The following SLC2A9 variants were observed in gnomAD, a reference collection of about 807,000 sequenced individuals.
SLC2A9 encodes solute carrier family 2 member 9, also known as solute carrier family 2, facilitated glucose transporter member 9.
In SLC2A9, 39 loss-of-function variants were observed where a neutral mutation model predicts 50.6. That is an observed-to-expected ratio of 0.77 (90% CI 0.60 to 1.01). SLC2A9 has a LOEUF of 1.01. SLC2A9 is among the 50% of genes least tolerant of loss of function. The probability of loss-of-function intolerance (pLI) is 0.00; values close to 1 mark genes in which losing one functional copy is unlikely to be tolerated. For synonymous variants in SLC2A9, 324 were observed against 276.9 expected (o/e 1.17, Z -1.69); for missense variants, 686 against 677.6 (o/e 1.01, Z -0.14).
At chr4:10,021,634 A>G (rs937969141), upstream of SLC2A9, 1 of 278,610 alleles carries the variant, frequency 3.6e-6, no homozygotes, top group Non-Finnish European at 5.4e-6. Flanking sequence ...CAGTCCAAAA[A>G]GGGAAATCTG....
intron 3 of SLC2A9, among the ~76,000 whole-genome samples, chr4:9,787,463 CT>C (rs1719366297): frequency 6.6e-6 from 1 of 152,228 alleles, no homozygotes; most frequent in Admixed American, 6.5e-5. Context: ...CAATGTTTCA[CT>C]GTATCACTTA....
At chr4:9,979,859 T>C (rs544709917) in intron 5 of SLC2A9, among the ~76,000 whole-genome samples, 1 of 152,270 alleles carries the variant, frequency 6.6e-6, no homozygotes, top group Admixed American at 6.5e-5. Flanking sequence ...TTCCCAGGGC[T>C]GTGCCCCATC....
intron 6 of SLC2A9, among the ~76,000 whole-genome samples, chr4:9,923,568 G>T (rs915700504): frequency 6.6e-6 from 1 of 152,160 alleles, no homozygotes; most frequent in Non-Finnish European, 1.5e-5. Flanking sequence ...GCACAGCACG[G>T]CATGGCACGG....
At chr4:9,980,145 C>T (rs1049853953) in intron 5 of SLC2A9, among the ~76,000 whole-genome samples, 8 of 152,292 alleles carry the variant, frequency 5.3e-5, no homozygotes, top group Middle Eastern at 3.4e-3. Context: ...ACTCTACTTA[C>T]TTATCTATTC....
chr4:9,925,175 G>C (rs1389174998), intron 6 of SLC2A9, among the ~76,000 whole-genome samples: 1 of 152,204 alleles, frequency 6.6e-6, no homozygotes, highest in African/African-American at 2.4e-5. Flanking sequence ...TGCTCGTGCT[G>C]TTCCTTGTGT....
At chr4:9,905,374 A>G (rs1023089973) in intron 8 of SLC2A9, among the ~76,000 whole-genome samples, 5 of 152,252 alleles carry the variant, frequency 3.3e-5, no homozygotes, top group Non-Finnish European at 7.3e-5. Context: ...CAGGGCCAAC[A>G]GCCTGACCAT....
At chr4:9,938,385 C>T (rs1747502695) in intron 6 of SLC2A9, among the ~76,000 whole-genome samples, 2 of 150,944 alleles carry the variant, frequency 1.3e-5, no homozygotes, top group Admixed American at 1.3e-4. Context: ...CATTCTCTTG[C>T]CTCAGCCTCC....
chr4:9,953,215 AC>A (rs60841869), intron 5 of SLC2A9, among the ~76,000 whole-genome samples: 28,759 of 152,176 alleles, frequency 0.19, 2,911 homozygotes, highest in Non-Finnish European at 0.21. Flanking sequence ...TACCCACTGA[AC>A]CCGCTATGCC....
chr4:9,809,010 C>T (rs139646114), intron 3 of SLC2A9, among the ~76,000 whole-genome samples: 4 of 152,288 alleles, frequency 2.6e-5, no homozygotes, highest in Admixed American at 6.5e-5. Flanking sequence ...AGTCAATTGG[C>T]CTTTCTTGGA....
chr4:10,011,059 G>T (rs181286863), intron 2 of SLC2A9, among the ~76,000 whole-genome samples: 1 of 152,186 alleles, frequency 6.6e-6, no homozygotes, highest in Non-Finnish European at 1.5e-5. Flanking sequence ...TCATGGATCA[G>T]CTACTCTTGA....
At chr4:9,843,864 C>T (rs541293740) in intron 10 of SLC2A9, among the ~76,000 whole-genome samples, 1 of 152,280 alleles carries the variant, frequency 6.6e-6, no homozygotes, top group East Asian at 1.9e-4. Flanking sequence ...CTGAGCCACA[C>T]TTGTTGACTA....
chr4:9,959,857 A>G (rs1430810556), intron 5 of SLC2A9, among the ~76,000 whole-genome samples: 3 of 152,184 alleles, frequency 2.0e-5, no homozygotes, highest in African/African-American at 7.2e-5. Flanking sequence ...TCCTGGGCCT[A>G]AGAAACGTGG....
At chr4:9,791,712 A>G (rs953842039) in intron 3 of SLC2A9, among the ~76,000 whole-genome samples, 1 of 152,146 alleles carries the variant, frequency 6.6e-6, no homozygotes, top group Admixed American at 6.6e-5. Context: ...CCTGCTAATA[A>G]TCACATGAGG....
intron 10 of SLC2A9, among the ~76,000 whole-genome samples, chr4:9,842,605 C>A (rs1462863818): frequency 6.6e-6 from 1 of 152,096 alleles, no homozygotes; most frequent in African/African-American, 2.4e-5. Context: ...CTGACCATGT[C>A]CTTTTGATGG....
chr4:9,841,088 G>A (rs1054699109), intron 10 of SLC2A9, among the ~76,000 whole-genome samples: 1 of 152,196 alleles, frequency 6.6e-6, no homozygotes, highest in Non-Finnish European at 1.5e-5. Flanking sequence ...TTTGGGTAGG[G>A]ACACAGAACC....
chr4:10,008,259 A>C (rs1265655157), intron 2 of SLC2A9, among the ~76,000 whole-genome samples: 1 of 152,250 alleles, frequency 6.6e-6, no homozygotes, highest in Non-Finnish European at 1.5e-5. Flanking sequence ...CAGGCTGTCC[A>C]GCTCTAATCG....
rs544931362 is a variant in SLC2A9, at chr4:9,960,968, C to T, written c.682-18923G>A. The stretch of plus-strand genomic sequence containing the variant: ...ACTGGATGGCTCCCATTTGCAGAAA[C>T]GGTACAAAGTCCTTTACATATAGTG... On this transcript the variant is annotated intron_variant, in intron 5 of 11. Transcript: ENST00000264784. Among the ~76,000 whole-genome samples, 6 of 152,266 alleles carry T rather than the reference C, an allele frequency of 3.9e-5. No homozygotes were observed. In the East Asian group the frequency reaches 9.7e-4, roughly 25 times the overall value.
intron 6 of SLC2A9, among the ~76,000 whole-genome samples, chr4:9,939,597 T>A (rs1444176190): frequency 1.3e-5 from 2 of 152,186 alleles, no homozygotes. Flanking sequence ...ATCCTTGGTT[T>A]TTTTTTTTAG....
chr4:9,826,476 G>C lies in SLC2A9; in HGVS notation c.1544C>G (p.Ser515Cys). The C allele has an allele frequency of 6.2e-7, 1 of 1,614,034 alleles. No homozygotes were observed. The highest frequency in any genetic ancestry group is 8.5e-7 in the Non-Finnish European group (1 of 1,179,950). ...TGGTGGGTATGCTTTGTTCCTTTTG[G>C]AAAATGCCTGGCTGATTTCTGCATA... The part of the protein sequence containing the change: ...RTYAEISQAF[S>C]KRNKAYPPEE... Residue 515 changes from serine (S) to cysteine (C), a missense_variant, in exon 12 of 12, where the codon TCC becomes TGC. By Grantham distance (112) the Ser-to-Cys change is moderately radical. Transcript: ENST00000264784.
Sources: allele counts gnomAD v4.1 joint callset (sites outside exome capture counted in the v4.1 genomes callset), GRCh38; gene constraint gnomAD v4.1.1; transcripts MANE v1.5; gene names NCBI Gene and HGNC (gene_info 2026-07-23, HGNC 2026-07-21).